USP34: variants seen among roughly 807,000 people sequenced by gnomAD.
USP34 encodes the protein ubiquitin carboxyl-terminal hydrolase 34.
USP34 carries 70 observed loss-of-function variants against 460.3 expected under a neutral mutation model. That is an observed-to-expected ratio of 0.15 (90% CI 0.13 to 0.19). USP34 has a LOEUF of 0.19. USP34 is among the 10% of genes least tolerant of loss of function. The pLI, the probability that USP34 is intolerant of heterozygous loss-of-function variation, is 1.00. For missense variants in USP34, 3,985 were observed against 4,236.2 expected, an observed-to-expected ratio of 0.94 and a Z score of 1.65; for synonymous variants, 1,647 against 1,405.3, an observed-to-expected ratio of 1.17 and a Z score of -3.85.
chr2:61,221,632 AT>A, intron 65 of USP34, 26 bp from the exon 66 acceptor site: 1 of 1,596,532 alleles, frequency 6.3e-7, no homozygotes, highest in Non-Finnish European at 8.6e-7. Context: ...ATGACTGTGT[AT>A]TTAGATCAAT....
At chr2:61,419,550 A>AT (rs905997053) in intron 2 of USP34, among the ~76,000 whole-genome samples, 3 of 152,180 alleles carry the variant, frequency 2.0e-5, no homozygotes, top group Non-Finnish European at 4.4e-5. Flanking sequence ...ATGGGAACAT[A>AT]TAACTCCCAC....
chr2:61,267,383 T>G (rs1689081574), intron 41 of USP34, among the ~76,000 whole-genome samples: 1 of 152,166 alleles, frequency 6.6e-6, no homozygotes, highest in African/African-American at 2.4e-5. Flanking sequence ...AATGTGTAAT[T>G]CATAGTTCTT....
chr2:61,386,845 T>C (rs1348088753), intron 5 of USP34, among the ~76,000 whole-genome samples: 1 of 152,084 alleles, frequency 6.6e-6, no homozygotes, highest in Non-Finnish European at 1.5e-5. Flanking sequence ...GAGTTAAAAA[T>C]GACTTTTTCA....
At chr2:61,237,259 G>C (rs1282943437) in intron 53 of USP34, among the ~76,000 whole-genome samples, 2 of 152,056 alleles carry the variant, frequency 1.3e-5, no homozygotes, top group Non-Finnish European at 2.9e-5. Context: ...GAGTCTGATA[G>C]CATTCTGCCC....
intron 65 of USP34, 88 bp from the exon 66 acceptor site, chr2:61,221,694 A>G (rs952073737): frequency 1.4e-5 from 17 of 1,205,948 alleles, no homozygotes; most frequent in South Asian, 4.7e-5. Context: ...ACTACACACT[A>G]TATTTAAATC....
At position 61,395,016 on chromosome 2, in the gene USP34, G is replaced by T; in HGVS notation, c.604-14C>A. 6.4e-7 allele frequency: 1 copy of T among 1,561,998 alleles called. No homozygotes were observed. The highest frequency in any genetic ancestry group is 8.6e-7 in the Non-Finnish European group (1 of 1,162,072). The stretch of plus-strand genomic sequence containing the variant: ...TACTTCTACATCCTGGGAAAATAAA[G>T]AAAACATGTCATTATTTGAAAACGT... On this transcript the variant is annotated splice_polypyrimidine_tract_variant and intron_variant, in intron 4 of 79. Transcript: ENST00000398571.
chr2:61,396,100 T>TA (rs1389559648), intron 3 of USP34, among the ~76,000 whole-genome samples: 1 of 151,990 alleles, frequency 6.6e-6, no homozygotes, highest in Non-Finnish European at 1.5e-5. Flanking sequence ...GTAATTCTGA[T>TA]AAAAATACAT....
At chr2:61,233,411 T>A (rs1687971465) in intron 57 of USP34, among the ~76,000 whole-genome samples, 1 of 152,150 alleles carries the variant, frequency 6.6e-6, no homozygotes, top group East Asian at 1.9e-4. Flanking sequence ...AAGGAAGACT[T>A]AACAAACAGA....
chr2:61,447,687 A>C (rs1328740372), intron 1 of USP34, among the ~76,000 whole-genome samples: 2 of 152,054 alleles, frequency 1.3e-5, no homozygotes, highest in African/African-American at 2.4e-5. Flanking sequence ...AGATCTGTGA[A>C]ATTGGTTTTT....
intron 53 of USP34, among the ~76,000 whole-genome samples, chr2:61,240,984 A>T (rs1688239953): frequency 6.6e-6 from 1 of 152,204 alleles, no homozygotes; most frequent in Non-Finnish European, 1.5e-5. Context: ...CAATCTAAGA[A>T]GCAAAACATT....
chr2:61,379,202 A>G (rs1692898546), intron 7 of USP34, among the ~76,000 whole-genome samples: 1 of 152,160 alleles, frequency 6.6e-6, no homozygotes, highest in East Asian at 1.9e-4. Flanking sequence ...GTGTGACTAC[A>G]CTACCAAAAC....
intron 33 of USP34, among the ~76,000 whole-genome samples, chr2:61,292,730 C>T (rs1689898333): frequency 6.6e-6 from 1 of 152,092 alleles, no homozygotes; most frequent in African/African-American, 2.4e-5. Context: ...TAATGCTAAA[C>T]TGCTTTGATG....
intron 5 of USP34, among the ~76,000 whole-genome samples, chr2:61,387,767 A>G (rs1693204917): frequency 6.7e-6 from 1 of 149,062 alleles, no homozygotes; most frequent in South Asian, 2.1e-4. Context: ...ACACATGTAA[A>G]ATATATTTTT....
At chr2:61,350,962 C>G (rs1452468789) in intron 10 of USP34, among the ~76,000 whole-genome samples, 1 of 152,164 alleles carries the variant, frequency 6.6e-6, no homozygotes, top group Non-Finnish European at 1.5e-5. Context: ...GTGGCTGATG[C>G]CTGTAATTCC....
intron 1 of USP34, among the ~76,000 whole-genome samples, chr2:61,452,740 T>G: frequency 6.6e-6 from 1 of 150,786 alleles, no homozygotes; most frequent in Non-Finnish European, 1.5e-5. Flanking sequence ...AAACAAAAGT[T>G]AAGAATTAGC....
intron 75 of USP34, among the ~76,000 whole-genome samples, chr2:61,196,778 C>T (rs1394584716): frequency 2.0e-5 from 3 of 152,160 alleles, no homozygotes; most frequent in East Asian, 1.9e-4. Context: ...AGTGATCCAG[C>T]TGCCTCGGTT....
chr2:61,236,912 T>C (rs1688085693), intron 53 of USP34, among the ~76,000 whole-genome samples: 1 of 152,240 alleles, frequency 6.6e-6, no homozygotes, highest in South Asian at 2.1e-4. Context: ...TCTATAAAAC[T>C]ATTTTTACCT....
At chr2:61,438,647 T>A (rs2104017623) in intron 1 of USP34, among the ~76,000 whole-genome samples, 1 of 151,924 alleles carries the variant, frequency 6.6e-6, no homozygotes, top group Admixed American at 6.6e-5. Flanking sequence ...TCTCAATAAA[T>A]TAGGTATAAA....
intron 32 of USP34, 58 bp from the exon 33 acceptor site, chr2:61,293,608 C>T: frequency 7.7e-7 from 1 of 1,290,996 alleles, no homozygotes; most frequent in Non-Finnish European, 1.1e-6. Context: ...TGCAATAATG[C>T]TTGTTGATTC....
Sources: allele counts gnomAD v4.1 joint callset (sites outside exome capture counted in the v4.1 genomes callset), GRCh38; gene constraint gnomAD v4.1.1; transcripts MANE v1.5; gene names NCBI Gene and HGNC (gene_info 2026-07-23, HGNC 2026-07-21).